MFSD2A: variants seen among roughly 807,000 people sequenced by gnomAD.
The protein encoded by MFSD2A is sodium-dependent lysophosphatidylcholine symporter 1.
MFSD2A carries 27 observed loss-of-function variants against 64.7 expected under a neutral mutation model. The ratio of observed to expected loss-of-function variants is 0.42; its 90% CI spans 0.31 to 0.58. The LOEUF (loss-of-function observed/expected upper bound fraction) is 0.58, where lower values mean the gene tolerates loss of function less well. Among genes scored for constraint, MFSD2A ranks in the 20% least tolerant of loss-of-function variants. MFSD2A has a pLI of 0.18. For synonymous variants in MFSD2A, 258 were observed against 273.4 expected, an observed-to-expected ratio of 0.94 and a Z score of 0.55; for missense variants, 474 against 679.5, an observed-to-expected ratio of 0.70 and a Z score of 3.36.
rs755866469 is a variant in MFSD2A at position 39,968,603 on chromosome 1, C to G, written c.1387C>G (p.Pro463Ala). The G allele has an allele frequency of 2.5e-5, 41 of 1,614,200 alleles. No individual in the cohort carries two copies. The highest frequency in any genetic ancestry group is 3.2e-5 in the Non-Finnish European group (38 of 1,180,032). Residue 463 changes from proline to alanine, a missense_variant, in exon 13 of 14, where the codon CCG becomes GCG. Pro to Ala is a conservative substitution (Grantham distance 27). Transcript: ENST00000372811. The surrounding 1 kb of genome is among the most constrained non-coding windows in gnomAD (Gnocchi z 4.4). ...GTACCAGACCCGTGGCTGCTCGCAG[C>G]CGGAACGTGTCAAGTTTACACTGAA... is the stretch of plus-strand genomic sequence containing the variant. Reference protein sequence around the residue: ...AGYQTRGCSQPERVKFTLNML... With the variant: ...AGYQTRGCSQAERVKFTLNML...
In MFSD2A at chr1:39,955,703, C is replaced by G. The variant is rs1318821073; in HGVS notation, c.93+318C>G. 5.1e-6 allele frequency: 3 copies of G among 586,706 alleles called. No homozygotes were observed. Among genetic ancestry groups the G allele is most frequent in the Non-Finnish European group, 9.6e-6 (3 of 311,458 alleles). The allele number at this position is 586,706 out of a possible 1,614,324, so 36.3% of individuals were successfully genotyped here. On this transcript the variant is annotated intron_variant, in intron 1 of 13. Coordinates refer to ENST00000372811, the MANE Select transcript of MFSD2A (RefSeq NM_032793.5). The surrounding 1 kb of genome is among the most constrained non-coding windows in gnomAD (Gnocchi z 5.9). Reference sequence around the variant, plus strand: ...GCGGCTGGGGCTTGCCGCCCCAAACCCCAGAGATGACCCCAGAAATCTGGG... The same window carrying G: ...GCGGCTGGGGCTTGCCGCCCCAAACGCCAGAGATGACCCCAGAAATCTGGG...
Position 39,967,893 on chromosome 1 carries a change from G to C in MFSD2A, c.1185G>C (p.Val395=). ...YAVAVAAGIS[V]AAAFLLPWSM... ...TAGCTGTGGCAGCTGGCATCAGTGT[G>C]GCAGCTGCCTTCTTACTACCCTGGT... Residue 395 remains valine (V), a synonymous_variant, in exon 11 of 14, where the codon GTG becomes GTC. Transcript: ENST00000372811. The C allele has an allele frequency of 1.2e-6, 2 of 1,612,944 alleles. No homozygotes were observed. Among genetic ancestry groups the C allele is most frequent in the Non-Finnish European group, 1.7e-6 (2 of 1,179,332 alleles).
In MFSD2A at chr1:39,964,555, T is replaced by C. The variant is rs1002827611; in HGVS notation, c.354-656T>C. 6.5e-6 allele frequency: 1 copy of C among 152,698 alleles called. No homozygotes were observed. The highest frequency in any genetic ancestry group is 1.5e-5 in the Non-Finnish European group (1 of 68,416). 9.5% of individuals were successfully genotyped at this position (152,698 alleles called of 1,614,324 possible). The stretch of plus-strand genomic sequence containing the variant: ...CCCTTTTGATGGTGTGGAACTCACA[T>C]GGGGAAGGCGGACATTTGCCCACCT... On this transcript the variant is annotated intron_variant, in intron 3 of 13. Coordinates refer to ENST00000372811, the MANE Select transcript of MFSD2A (RefSeq NM_032793.5). This position sits in a 1 kb window ranked among gnomAD's most constrained non-coding sequence, Gnocchi z 4.1.
Position 39,966,017 on chromosome 1 carries a change from G to A in MFSD2A, c.714+3G>A. On this transcript the variant is annotated splice_donor_region_variant and intron_variant, in intron 6 of 13. Transcript: ENST00000372811. ...GCACCACCTCACACAGGGAAACGGTGAGGCCCTGGGCAGGGCAGGGATTTG... is the reference window on the plus strand; with the variant it reads ...GCACCACCTCACACAGGGAAACGGTAAGGCCCTGGGCAGGGCAGGGATTTG... 1 of 1,614,176 alleles carries A rather than the reference G, an allele frequency of 6.2e-7. No homozygotes were observed. Among genetic ancestry groups the A allele is most frequent in the Non-Finnish European group, 8.5e-7 (1 of 1,180,012 alleles).
Position 39,958,488 on chromosome 1 carries a change from G to T in MFSD2A, c.229-213G>T, listed in dbSNP as rs1460479313. Among the ~76,000 whole-genome samples the T allele has an allele frequency of 6.6e-6, 1 of 152,210 alleles. No individual in the cohort carries two copies. Among genetic ancestry groups the T allele is most frequent in the African/African-American group, 2.4e-5 (1 of 41,444 alleles). On this transcript the variant is annotated intron_variant, in intron 2 of 13. Transcript: ENST00000372811. This position sits in a 1 kb window ranked among gnomAD's most constrained non-coding sequence, Gnocchi z 4.7. ...CAATTAAGGAGACAGAGCTGGGAAA[G>T]CTTCTAAGGAGGCACCCAGTGCTAC...
At position 39,968,815 on chromosome 1, in the gene MFSD2A, C is replaced by T; in HGVS notation, c.1529+70C>T. On this transcript the variant is annotated intron_variant, in intron 13 of 13. Coordinates refer to ENST00000372811, the MANE Select transcript of MFSD2A (RefSeq NM_032793.5). The surrounding 1 kb of genome is among the most constrained non-coding windows in gnomAD (Gnocchi z 4.4). ...TGTCTAAACCCTCAATTTGTGTCTC[C>T]TGTGGCCAAGTCCAGACTCACCCCC... is the stretch of plus-strand genomic sequence containing the variant. 1 of 1,565,080 alleles carries T rather than the reference C, an allele frequency of 6.4e-7. No homozygotes were observed. The highest frequency in any genetic ancestry group is 8.7e-7 in the Non-Finnish European group (1 of 1,150,254).
rs1644970052 is a variant in MFSD2A, at chr1:39,958,316, G to A, written c.229-385G>A. Among the ~76,000 whole-genome samples the A allele has an allele frequency of 6.6e-6, 1 of 152,066 alleles. No homozygotes were observed. The highest frequency in any genetic ancestry group is 2.4e-5 in the African/African-American group (1 of 41,376). Reference sequence around the variant, plus strand: ...GCTCATAACTCCCATTATACAGATGGGAACACTGAAGCACACTGTGTTCAC... The same window carrying A: ...GCTCATAACTCCCATTATACAGATGAGAACACTGAAGCACACTGTGTTCAC... On this transcript the variant is annotated intron_variant, in intron 2 of 13. Coordinates refer to ENST00000372811, the MANE Select transcript of MFSD2A (RefSeq NM_032793.5). The surrounding 1 kb of genome is among the most constrained non-coding windows in gnomAD (Gnocchi z 4.7).
rs2124759152 is a variant in MFSD2A at position 39,958,911 on chromosome 1, G to A, written c.353+86G>A. 1 of 1,449,940 alleles carries A rather than the reference G, an allele frequency of 6.9e-7. No individual in the cohort carries two copies. Among genetic ancestry groups the A allele is most frequent in the Non-Finnish European group, 9.3e-7 (1 of 1,076,220 alleles). The allele number at this position is 1,449,940 out of a possible 1,614,324, so 89.8% of individuals were successfully genotyped here. A position where few individuals can be genotyped will look rare whatever the true frequency, so the allele number is the denominator to read the frequency against. ...TGGTCCTTCTCTCTGTCTTGTCACA[G>A]GCAGAAGGGTGAGGAGAAGGAAGGA... is the stretch of plus-strand genomic sequence containing the variant. On this transcript the variant is annotated intron_variant, in intron 3 of 13. Coordinates refer to ENST00000372811, the MANE Select transcript of MFSD2A (RefSeq NM_032793.5). This position sits in a 1 kb window ranked among gnomAD's most constrained non-coding sequence, Gnocchi z 4.7.
At chr1:39,962,805 C>T (rs2124768913) in intron 3 of MFSD2A, 2 of 1,202,722 alleles carry the variant, frequency 1.7e-6, no homozygotes, top group Non-Finnish European at 2.4e-6. Flanking sequence ...CTTCTCTCTG[C>T]CCATTAAGGG....
At chr1:39,967,943 G>A (rs766810290) in intron 11 of MFSD2A, 27 bp downstream of exon 11, 8 of 1,449,356 alleles carry the variant, frequency 5.5e-6, no homozygotes, top group Admixed American at 3.5e-5. Context: ...CCCCCTCCTC[G>A]GGTATCTCCA....
In MFSD2A at chr1:39,967,083, C is replaced by A; in HGVS notation, c.928-3C>A. On this transcript the variant is annotated splice_polypyrimidine_tract_variant and splice_region_variant and intron_variant, in intron 8 of 13. Coordinates refer to ENST00000372811, the MANE Select transcript of MFSD2A (RefSeq NM_032793.5). Reference sequence around the variant, plus strand: ...TTCCTTCCCTACCTTGCTCCATGCCCAGCTGGTGGAGGGGAACTTTGTCTT... The same window carrying A: ...TTCCTTCCCTACCTTGCTCCATGCCAAGCTGGTGGAGGGGAACTTTGTCTT... The A allele has an allele frequency of 6.2e-7, 1 of 1,613,982 alleles. No homozygotes were observed.
Position 39,958,546 on chromosome 1 carries a change from C to A in MFSD2A, c.229-155C>A. Reference sequence around the variant, plus strand: ...GGAGAAATGCTATTGTCATTATTAACAAGGCAAGTGAAGATGTGTAAGGTC... The same window carrying A: ...GGAGAAATGCTATTGTCATTATTAAAAAGGCAAGTGAAGATGTGTAAGGTC... On this transcript the variant is annotated intron_variant, in intron 2 of 13. Coordinates refer to ENST00000372811, the MANE Select transcript of MFSD2A (RefSeq NM_032793.5). The surrounding 1 kb of genome is among the most constrained non-coding windows in gnomAD (Gnocchi z 4.7). 3 of 1,131,678 alleles carry A rather than the reference C, an allele frequency of 2.7e-6. No individual in the cohort carries two copies. Among genetic ancestry groups the A allele is most frequent in the Non-Finnish European group, 2.6e-6 (2 of 765,972 alleles). 70.1% of individuals were successfully genotyped at this position (1,131,678 alleles called of 1,614,324 possible).
intron 1 of MFSD2A, 82 bp from the exon 2 acceptor site, chr1:39,957,004 GC>G: frequency 6.6e-7 from 1 of 1,520,040 alleles, no homozygotes; most frequent in South Asian, 1.1e-5. Context: ...GGTAGAGCTG[GC>G]CAGAGGGATG....
At chr1:39,956,972 T>A in intron 1 of MFSD2A, 115 bp from the exon 2 acceptor site, 1 of 638,522 alleles carries the variant, frequency 1.6e-6, no homozygotes, top group South Asian at 1.7e-5. Context: ...TAGGAACAGG[T>A]CAAAGCAGAG....
chr1:39,957,358 T>C, intron 2 of MFSD2A, 137 bp downstream of exon 2: 1 of 885,898 alleles, frequency 1.1e-6, no homozygotes, highest in Non-Finnish European at 1.7e-6. Context: ...TCTGAGTCAG[T>C]GAGCAAGAAA....
At position 39,968,757 on chromosome 1, in the gene MFSD2A, G is replaced by A; in HGVS notation, c.1529+12G>A. On this transcript the variant is annotated intron_variant, in intron 13 of 13. Transcript: ENST00000372811. The surrounding 1 kb of genome is among the most constrained non-coding windows in gnomAD (Gnocchi z 4.4). Reference sequence around the variant, plus strand: ...CTGCAGGCACTGAGGTGAGTGGGGAGGGGACAGGATGCTGGAGGAGGGGAC... The same window carrying A: ...CTGCAGGCACTGAGGTGAGTGGGGAAGGGACAGGATGCTGGAGGAGGGGAC... The A allele has an allele frequency of 1.2e-6, 2 of 1,613,866 alleles. No homozygotes were observed. The highest frequency in any genetic ancestry group is 2.2e-5 in the East Asian group (1 of 44,882).
Position 39,964,989 on chromosome 1 carries a change from C to T in MFSD2A, c.354-222C>T. On this transcript the variant is annotated intron_variant, in intron 3 of 13. Coordinates refer to ENST00000372811, the MANE Select transcript of MFSD2A (RefSeq NM_032793.5). The surrounding 1 kb of genome is among the most constrained non-coding windows in gnomAD (Gnocchi z 4.1). The stretch of plus-strand genomic sequence containing the variant: ...CAGGCTCTGACCTCACACTCCATGC[C>T]TAGGATTTCAGTCTGGGGTCCCAGT... The T allele has an allele frequency of 1.7e-6, 1 of 600,698 alleles. No homozygotes were observed. The highest frequency in any genetic ancestry group is 2.0e-5 in the South Asian group (1 of 49,600). 37.2% of individuals were successfully genotyped at this position (600,698 alleles called of 1,614,324 possible).
At chr1:39,956,987 T>G in intron 1 of MFSD2A, 100 bp from the exon 2 acceptor site, 67 of 1,345,782 alleles carry the variant, frequency 5.0e-5, no homozygotes, top group Middle Eastern at 1.9e-4. Flanking sequence ...GCAGAGTTGT[T>G]TGTTCTGGTA....
At position 39,965,686 on chromosome 1, in the gene MFSD2A, G is replaced by T; in HGVS notation, c.556+137G>T. The stretch of plus-strand genomic sequence containing the variant: ...TTAAAAATAACTCAATCCCCTTATT[G>T]CTCAGATGAGACCTGGAGAGGTGCA... On this transcript the variant is annotated intron_variant, in intron 5 of 13. Coordinates refer to ENST00000372811, the MANE Select transcript of MFSD2A (RefSeq NM_032793.5). The surrounding 1 kb of genome is among the most constrained non-coding windows in gnomAD (Gnocchi z 5.5). 1 of 1,216,578 alleles carries T rather than the reference G, an allele frequency of 8.2e-7. No homozygotes were observed. Among genetic ancestry groups the T allele is most frequent in the Admixed American group, 1.9e-5 (1 of 51,316 alleles). 75.4% of individuals were successfully genotyped at this position (1,216,578 alleles called of 1,614,324 possible).
Sources: allele counts gnomAD v4.1 joint callset (sites outside exome capture counted in the v4.1 genomes callset), GRCh38; gene constraint gnomAD v4.1.1; non-coding constraint Gnocchi (gnomAD v3.1); transcripts MANE v1.5; gene names NCBI Gene and HGNC (gene_info 2026-07-23, HGNC 2026-07-21).